IGFBP7: variants seen among roughly 807,000 people sequenced by gnomAD.
IGFBP7 encodes insulin-like growth factor-binding protein 7.
IGFBP7 carries 31 observed loss-of-function variants against 29.4 expected under a neutral mutation model. The observed-to-expected ratio is 1.05, with a 90% CI of 0.79 to 1.42. The LOEUF (loss-of-function observed/expected upper bound fraction) is 1.42, where lower values mean the gene tolerates loss of function less well. Ranked by LOEUF, IGFBP7 falls within the 40% of genes most tolerant of loss-of-function variation. IGFBP7 has a pLI of 0.00. For missense variants in IGFBP7, 393 were observed against 395.5 expected, an observed-to-expected ratio of 0.99 and a Z score of 0.05; for synonymous variants, 172 against 174.9, an observed-to-expected ratio of 0.98 and a Z score of 0.13.
chr4:57,072,847 C>T, intron 1 of IGFBP7: 1 of 612,870 alleles, frequency 1.6e-6, no homozygotes, highest in African/African-American at 1.8e-5. Context: ...CCCTAGAGCT[C>T]CCCAGGGGCT....
At chr4:57,086,465 T>C (rs975613944) in intron 1 of IGFBP7, among the ~76,000 whole-genome samples, 1 of 152,172 alleles carries the variant, frequency 6.6e-6, no homozygotes, top group Non-Finnish European at 1.5e-5. Flanking sequence ...CTGTTGGCTA[T>C]GTTGAGATTT....
chr4:57,042,020 C>A (rs1276477978), intron 1 of IGFBP7, among the ~76,000 whole-genome samples: 1 of 152,180 alleles, frequency 6.6e-6, no homozygotes, highest in Non-Finnish European at 1.5e-5. Context: ...AGGTCCCTGG[C>A]AGGAGGCATT....
At chr4:57,068,565 T>C (rs946409789) in intron 1 of IGFBP7, among the ~76,000 whole-genome samples, 2 of 152,088 alleles carry the variant, frequency 1.3e-5, no homozygotes, top group Admixed American at 1.3e-4. Context: ...TAGTGCATGG[T>C]TGGAGTCAAA....
intron 1 of IGFBP7, among the ~76,000 whole-genome samples, chr4:57,097,510 G>C (rs2109800950): frequency 6.6e-6 from 1 of 152,294 alleles, no homozygotes; most frequent in Admixed American, 6.5e-5. Context: ...GTTTGGACTG[G>C]TCAAAGTAGG....
Position 57,096,746 on chromosome 4 carries a change from A to C in IGFBP7, c.475+13131T>G, listed in dbSNP as rs138038813. Among the ~76,000 whole-genome samples, 546 of 152,318 alleles carry C rather than the reference A, an allele frequency of 3.6e-3. 7 individuals are homozygous for C. Among genetic ancestry groups the C allele is most frequent in the Middle Eastern group, 0.01 (3 of 294 alleles). ...TTCTTTACTCGTCAACACACCCTGG[A>C]AGGTGGACATTATCACCTCTCAGAC... On this transcript the variant is annotated intron_variant, in intron 1 of 4. Coordinates refer to ENST00000295666, the MANE Select transcript of IGFBP7 (RefSeq NM_001553.3).
chr4:57,072,991 C>A, intron 1 of IGFBP7: 1 of 905,666 alleles, frequency 1.1e-6, no homozygotes, highest in South Asian at 1.3e-5. Flanking sequence ...CCATCCTGCT[C>A]TCCATCCACA....
intron 1 of IGFBP7, among the ~76,000 whole-genome samples, chr4:57,059,187 C>T (rs974120378): frequency 5.3e-5 from 8 of 152,072 alleles, no homozygotes; most frequent in Non-Finnish European, 1.0e-4. Context: ...AGCAGTATGG[C>T]GACTCCTCAA....
intron 1 of IGFBP7, among the ~76,000 whole-genome samples, chr4:57,055,806 T>C (rs1724654394): frequency 6.6e-6 from 1 of 152,104 alleles, no homozygotes; most frequent in Non-Finnish European, 1.5e-5. Context: ...TCCCTCGAAC[T>C]TGGGAGCCGC....
intron 1 of IGFBP7, among the ~76,000 whole-genome samples, chr4:57,074,357 G>A (rs576330567): frequency 8.5e-5 from 13 of 152,162 alleles, no homozygotes; most frequent in Admixed American, 2.0e-4. Context: ...CACCTCGTCC[G>A]GCCTGAAAAT....
chr4:57,090,411 T>C (rs1017381985), intron 1 of IGFBP7, among the ~76,000 whole-genome samples: 8 of 152,222 alleles, frequency 5.3e-5, no homozygotes, highest in African/African-American at 1.9e-4. Context: ...TATTCTGTAG[T>C]GTTGAAACAC....
At chr4:57,058,968 CAT>C (rs1450864160) in intron 1 of IGFBP7, among the ~76,000 whole-genome samples, 2 of 152,158 alleles carry the variant, frequency 1.3e-5, no homozygotes, top group Non-Finnish European at 2.9e-5. Context: ...AGAAGACACA[CAT>C]GTGGCCAATA....
At chr4:57,068,002 A>G (rs1724961098) in intron 1 of IGFBP7, among the ~76,000 whole-genome samples, 1 of 152,182 alleles carries the variant, frequency 6.6e-6, no homozygotes, top group Admixed American at 6.5e-5. Context: ...TTTGGGAATC[A>G]CTGATCTGGA....
intron 1 of IGFBP7, among the ~76,000 whole-genome samples, 192 bp from the exon 2 acceptor site, chr4:57,041,125 A>C (rs988538097): frequency 7.9e-5 from 12 of 152,232 alleles, no homozygotes; most frequent in Admixed American, 7.9e-4. Flanking sequence ...GGAATGCATA[A>C]ATCTAAACAA....
At chr4:57,079,602 A>C (rs1448753479) in intron 1 of IGFBP7, among the ~76,000 whole-genome samples, 1 of 152,364 alleles carries the variant, frequency 6.6e-6, no homozygotes, top group East Asian at 1.9e-4. Flanking sequence ...AGTCTTCAGG[A>C]AAGTAATAGA....
chr4:57,088,245 G>A (rs1725545034), intron 1 of IGFBP7, among the ~76,000 whole-genome samples: 1 of 152,054 alleles, frequency 6.6e-6, no homozygotes, highest in South Asian at 2.1e-4. Context: ...CAAAGTATCG[G>A]GATTAGAGGT....
chr4:57,032,297 A>C (rs1723950646), intron 4 of IGFBP7, 129 bp downstream of exon 4: 2 of 1,461,566 alleles, frequency 1.4e-6, no homozygotes, highest in Admixed American at 2.6e-5. Context: ...TGGCATACTT[A>C]ATGCCCTTAT....
intron 1 of IGFBP7, among the ~76,000 whole-genome samples, chr4:57,041,801 A>C (rs955167522): frequency 1.1e-4 from 16 of 152,008 alleles, no homozygotes; most frequent in Admixed American, 1.0e-3. Context: ...AGCCTCCCCA[A>C]CTGCTGGGAT....
chr4:57,072,635 C>A, intron 1 of IGFBP7: 1 of 201,710 alleles, frequency 5.0e-6, no homozygotes, highest in Non-Finnish European at 9.0e-6. Flanking sequence ...CCACCACCAG[C>A]GTTGCTGCTG....
chr4:57,054,357 G>A (rs1253403856), intron 1 of IGFBP7, among the ~76,000 whole-genome samples: 1 of 152,104 alleles, frequency 6.6e-6, no homozygotes, highest in Non-Finnish European at 1.5e-5. Context: ...GCTTGGCTGG[G>A]CACGGGGTGG....
Sources: allele counts gnomAD v4.1 joint callset (sites outside exome capture counted in the v4.1 genomes callset), GRCh38; gene constraint gnomAD v4.1.1; transcripts MANE v1.5; gene names NCBI Gene and HGNC (gene_info 2026-07-23, HGNC 2026-07-21).